Variants in RFC3 observed in about 807,000 individuals in gnomAD.
RFC3 encodes A1 38 kDa subunit.
RFC3 carries 41 observed loss-of-function variants against 45.1 expected under a neutral mutation model. The observed-to-expected ratio is 0.91, with a 90% CI of 0.71 to 1.18. The LOEUF is 1.18. Ranked by LOEUF, RFC3 falls within the 50% of genes most tolerant of loss-of-function variation. The pLI is 0.00. For missense variants in RFC3, 423 were observed against 428.1 expected, an observed-to-expected ratio of 0.99 and a Z score of 0.10; for synonymous variants, 149 against 144.0, an observed-to-expected ratio of 1.03 and a Z score of -0.25.
At chr13:33,961,879 A>G (rs536074367) in intron 8 of RFC3, among the ~76,000 whole-genome samples, 51 of 147,962 alleles carry the variant, frequency 3.4e-4, no homozygotes, top group South Asian at 1.0e-3. Flanking sequence ...GACAGTAAAG[A>G]TTGATGACCT....
chr13:33,963,571 C>T (rs1237227548), intron 8 of RFC3, among the ~76,000 whole-genome samples: 1 of 150,700 alleles, frequency 6.6e-6, no homozygotes, highest in Non-Finnish European at 1.5e-5. Context: ...ACACCTTTCC[C>T]TACTCACATG....
downstream of RFC3, among the ~76,000 whole-genome samples, chr13:33,841,018 G>A (rs940902027): frequency 6.6e-6 from 1 of 152,166 alleles, no homozygotes; most frequent in African/African-American, 2.4e-5. Flanking sequence ...AGCAGGAGGT[G>A]AGCAACCAGT....
chr13:33,827,314 CT>C (rs1197837498), intron 4 of RFC3, among the ~76,000 whole-genome samples: 1 of 152,052 alleles, frequency 6.6e-6, no homozygotes, highest in Non-Finnish European at 1.5e-5. Flanking sequence ...CAAAACTGTT[CT>C]GCATTTCTAG....
chr13:33,898,635 G>A (rs558964362), intron 8 of RFC3, among the ~76,000 whole-genome samples: 4 of 151,774 alleles, frequency 2.6e-5, no homozygotes, highest in African/African-American at 9.6e-5. Context: ...GAAATTAGTA[G>A]ATGAAAAGAA....
chr13:33,974,882 A>G, the RFC3 span, among the ~76,000 whole-genome samples: 1 of 152,228 alleles, frequency 6.6e-6, no homozygotes, highest in African/African-American at 2.4e-5. Flanking sequence ...CAACAACAAC[A>G]AAACCCTGAT....
intron 8 of RFC3, among the ~76,000 whole-genome samples, chr13:33,912,612 A>G (rs1418644662): frequency 6.6e-6 from 1 of 152,116 alleles, no homozygotes; most frequent in Non-Finnish European, 1.5e-5. Flanking sequence ...GGATTCATTC[A>G]TCTCTGGAGA....
chr13:33,871,437 G>T (rs2082408901), intron 8 of RFC3, among the ~76,000 whole-genome samples: 1 of 152,080 alleles, frequency 6.6e-6, no homozygotes, highest in Non-Finnish European at 1.5e-5. Flanking sequence ...CCAACTTCTT[G>T]CTTTTATCAT....
At chr13:33,890,391 G>A (rs2082556165) in intron 8 of RFC3, among the ~76,000 whole-genome samples, 1 of 152,086 alleles carries the variant, frequency 6.6e-6, no homozygotes, top group Non-Finnish European at 1.5e-5. Context: ...GGGTAGTTCT[G>A]CCTTATCTGA....
At chr13:33,899,204 C>CAAGAAAAAAAAAAAA (rs2082621758) in intron 8 of RFC3, among the ~76,000 whole-genome samples, 1 of 51,968 alleles carries the variant, frequency 1.9e-5, no homozygotes, top group African/African-American at 6.7e-5. Context: ...CACAATAAGA[C>CAAGAAAAAAAAAAAA]AAAAAAAAAA....
intron 8 of RFC3, among the ~76,000 whole-genome samples, chr13:33,952,832 GT>G (rs895306280): frequency 1.5e-4 from 23 of 151,354 alleles, no homozygotes; most frequent in South Asian, 4.2e-4. Context: ...TCTTAGAAAG[GT>G]TTTTTTTTCC....
Position 33,834,298 on chromosome 13 carries a change from GTATATATA to G in RFC3, c.810-824_810-817del, listed in dbSNP as rs58858615. Among the ~76,000 whole-genome samples the G allele has an allele frequency of 4.6e-3, 499 of 109,180 alleles. 16 individuals carry two copies. The highest frequency in any genetic ancestry group is 0.018 in the African/African-American group (446 of 24,204). 71.6% of individuals were successfully genotyped at this position (109,180 alleles called of 152,430 possible). Reference sequence around the variant, plus strand: ...GAAGTATGGAACATCTGTACTGTGTGTATATATATATATATATATATATATATATATAT... The same window carrying G: ...GAAGTATGGAACATCTGTACTGTGTGTATATATATATATATATATATATAT... On this transcript the variant is annotated intron_variant, in intron 7 of 8. Transcript: ENST00000380071.
rs1024758671 is a variant in RFC3 at position 33,844,453 on chromosome 13, T to C, written c.879+9236T>C. Among the ~76,000 whole-genome samples the C allele has an allele frequency of 3.3e-5, 5 of 152,162 alleles. No individual in the cohort carries two copies. The East Asian group carries it at 7.7e-4, about 23-fold the overall frequency. ...TTTTATCATTTGTTTTCTGGTTGTTTTGTGGCCTTCCTTCCCTCCTTCTTG... is the reference window on the plus strand; with the variant it reads ...TTTTATCATTTGTTTTCTGGTTGTTCTGTGGCCTTCCTTCCCTCCTTCTTG... On this transcript the variant is annotated intron_variant, in intron 8 of 8. Transcript: ENST00000434425.
chr13:33,923,072 G>A (rs1371681581), intron 8 of RFC3, among the ~76,000 whole-genome samples: 4 of 152,176 alleles, frequency 2.6e-5, no homozygotes, highest in Middle Eastern at 3.4e-3. Context: ...GGTTGCTTTC[G>A]TCTTAAGTAG....
At chr13:33,912,884 A>C (rs2082711277) in intron 8 of RFC3, among the ~76,000 whole-genome samples, 1 of 151,950 alleles carries the variant, frequency 6.6e-6, no homozygotes, top group Admixed American at 6.6e-5. Context: ...GAAGGATGGG[A>C]GTGGTAATTA....
chr13:33,954,254 T>C (rs1269570165), intron 8 of RFC3, among the ~76,000 whole-genome samples: 1 of 152,132 alleles, frequency 6.6e-6, no homozygotes, highest in Non-Finnish European at 1.5e-5. Flanking sequence ...ATGACATCAA[T>C]AGAGGGCACA....
chr13:33,853,754 C>A lies in RFC3; in HGVS notation c.879+18537C>A, dbSNP rs549822958. ...CTAAATCATAAATGGTGTATGGAAC[C>A]CAAGAGAGAGAAGTCCAGGATGATA... is the stretch of plus-strand genomic sequence containing the variant. On this transcript the variant is annotated intron_variant, in intron 8 of 8. Transcript: ENST00000434425. Among the ~76,000 whole-genome samples, 83 of 151,986 alleles carry A rather than the reference C, an allele frequency of 5.5e-4. 3 individuals carry two copies. In the South Asian group the frequency reaches 0.017, roughly 32 times the overall value.
chr13:33,818,222 G>C lies in RFC3; in HGVS notation c.44G>C (p.Arg15Pro), dbSNP rs2081965717. 2.2e-5 allele frequency: 35 copies of C among 1,613,628 alleles called. No homozygotes were observed. Among genetic ancestry groups the C allele is most frequent in the Non-Finnish European group, 2.9e-5 (34 of 1,179,974 alleles). The stretch of plus-strand genomic sequence containing the variant: ...AAGTATCGGCCCTGCTCCTTGGGAC[G>C]GCTGGACTATCACAAGGAGCAGGCG... ...VDKYRPCSLG[R>P]LDYHKEQAAQ... The change falls in exon 1 of 9, where the codon CGG becomes CCG. Residue 15 changes from arginine to proline, a missense_variant. Transcript: ENST00000380071.
intron 8 of RFC3, among the ~76,000 whole-genome samples, chr13:33,877,243 G>A (rs562926087): frequency 1.4e-4 from 22 of 152,226 alleles, no homozygotes; most frequent in African/African-American, 4.6e-4. Context: ...CTGATTATGC[G>A]GCCCACTGTC....
intron 8 of RFC3, among the ~76,000 whole-genome samples, chr13:33,918,966 C>T (rs2082750519): frequency 6.6e-6 from 1 of 152,010 alleles, no homozygotes; most frequent in Non-Finnish European, 1.5e-5. Context: ...GATCACCCTG[C>T]CAAAAATGAA....
Sources: gnomAD v4.1 joint callset for allele counts (sites outside exome capture counted in the v4.1 genomes callset) on GRCh38, gnomAD v4.1.1 for gene constraint, MANE v1.5 for transcripts, NCBI Gene and HGNC (gene_info 2026-07-23, HGNC 2026-07-21) for gene names.